GALK1: variants seen among roughly 807,000 people sequenced by gnomAD.
GALK1 encodes the protein galactokinase.
Under a neutral mutation model 38.6 loss-of-function variants are expected in GALK1, and 30 were observed. That is an observed-to-expected ratio of 0.78 (90% CI 0.58 to 1.05). GALK1 has a LOEUF of 1.05. Ranked by LOEUF, GALK1 falls within the 50% of genes least tolerant of loss-of-function variation. The pLI, the probability that GALK1 is intolerant of heterozygous loss-of-function variation, is 0.00. For missense variants in GALK1, 512 were observed against 540.5 expected, an observed-to-expected ratio of 0.95 and a Z score of 0.52; for synonymous variants, 240 against 233.6, an observed-to-expected ratio of 1.03 and a Z score of -0.25.
chr17:75,758,215 T>G lies in GALK1; in HGVS notation c.1102A>C (p.Ile368Leu), dbSNP rs771288908. The G allele has an allele frequency of 2.5e-6, 4 of 1,606,748 alleles. No homozygotes were observed. The highest frequency in any genetic ancestry group is 3.4e-6 in the Non-Finnish European group (4 of 1,177,492). ...ASAAPHAMRHIQEHYGGTATF... is the reference protein window; with the variant it reads ...ASAAPHAMRHLQEHYGGTATF... Reference sequence around the variant, plus strand: ...AGGCCCTGGTGCCCGCCCACCTGGATGTGCCGCATGGCGTGGGGAGCAGCG... The same window carrying G: ...AGGCCCTGGTGCCCGCCCACCTGGAGGTGCCGCATGGCGTGGGGAGCAGCG... The change falls in exon 7 of 8, where the codon ATC (isoleucine) becomes CTC (leucine). Residue 368 changes from isoleucine (I) to leucine (L), a missense_variant. Transcript: ENST00000588479.
At position 75,763,163 on chromosome 17, in the gene GALK1, T is replaced by G. The variant is rs1354324820; in HGVS notation, c.476-14A>C. ...TTGTGCCCGAGTCTGCAGTACAGGG[T>G]GAGGTGGGGAGGCTAGGGCTGGTGG... On this transcript the variant is annotated splice_polypyrimidine_tract_variant and intron_variant, in intron 3 of 7. Transcript: ENST00000588479. 7 of 1,611,104 alleles carry G rather than the reference T, an allele frequency of 4.3e-6. No individual in the cohort carries two copies. Among genetic ancestry groups the G allele is most frequent in the Non-Finnish European group, 3.4e-6 (4 of 1,179,608 alleles).
chr17:75,758,356 T>C lies in GALK1; in HGVS notation c.961A>G (p.Ser321Gly). 2.5e-6 allele frequency: 4 copies of C among 1,593,714 alleles called. No homozygotes were observed. The highest frequency in any genetic ancestry group is 3.4e-6 in the Non-Finnish European group (4 of 1,170,892). ...ACCAGCTGGTCCAGCTCTGGGCAGC[T>C]CACCTCATAGTCGTCTCTGCAGAGA... ...HRSLRDDYEV[S>G]CPELDQLVEA... The change falls in exon 7 of 8, where the codon AGC (serine) becomes GGC (glycine). Residue 321 changes from serine to glycine, a missense_variant. Transcript: ENST00000588479.
At chr17:75,757,624 A>G (rs1265457267), downstream of GALK1, 4 of 1,598,830 alleles carry the variant, frequency 2.5e-6, no homozygotes, top group Non-Finnish European at 3.4e-6. Flanking sequence ...GAGCCTCCTC[A>G]GCTACTCCAT....
downstream of GALK1, chr17:75,757,589 AG>A: frequency 6.2e-7 from 1 of 1,612,516 alleles, no homozygotes; most frequent in South Asian, 1.1e-5. Flanking sequence ...ACGTCCCACT[AG>A]GCGTCCTCCC....
intron 5 of GALK1, among the ~76,000 whole-genome samples, chr17:75,760,707 C>T (rs1599334111): frequency 6.6e-6 from 1 of 151,890 alleles, no homozygotes; most frequent in Non-Finnish European, 1.5e-5. Flanking sequence ...ACCCTGAAGA[C>T]GGAGGTTGCA....
At chr17:75,761,710 G>A (rs1167149728) in intron 5 of GALK1, among the ~76,000 whole-genome samples, 8 of 140,302 alleles carry the variant, frequency 5.7e-5, no homozygotes, top group Non-Finnish European at 1.1e-4. Flanking sequence ...CTGAGATTAT[G>A]TTTAGTTTAA....
downstream of GALK1, chr17:75,757,510 C>T (rs141814228): frequency 1.2e-5 from 19 of 1,613,336 alleles, no homozygotes; most frequent in East Asian, 4.5e-5. Context: ...TGACCACCAG[C>T]GGAACCCTTA....
chr17:75,755,588 A>T (rs1486248524), downstream of GALK1: 2 of 1,368,858 alleles, frequency 1.5e-6, no homozygotes, highest in African/African-American at 2.9e-5. Context: ...TTGTCCAGCC[A>T]GCGGTCAGTG....
In GALK1 at chr17:75,765,162, C is replaced by G. The variant is rs1242690219; in HGVS notation, c.-26G>C. On this transcript the variant is annotated 5_prime_UTR_variant, in exon 1 of 8. Coordinates refer to ENST00000588479, the MANE Select transcript of GALK1 (RefSeq NM_000154.2). ...GACGCGCGCCTGCAGCTCTGCACAG[C>G]TGCTCCGGCACAGCCCCGTCGGCGC... 1 of 1,497,836 alleles carries G rather than the reference C, an allele frequency of 6.7e-7. No homozygotes were observed. The highest frequency in any genetic ancestry group is 8.9e-7 in the Non-Finnish European group (1 of 1,127,412). The allele number at this position is 1,497,836 out of a possible 1,614,324, so 92.8% of individuals were successfully genotyped here.
downstream of GALK1, chr17:75,757,476 C>T: frequency 6.2e-7 from 1 of 1,612,914 alleles, no homozygotes; most frequent in Non-Finnish European, 8.5e-7. Context: ...CGGCATGTGA[C>T]CCAGGAGTTT....
In GALK1 at chr17:75,758,188, C is replaced by T. The variant is rs778420863; in HGVS notation, c.1107+22G>A. 1.9e-6 allele frequency: 3 copies of T among 1,609,160 alleles called. No individual in the cohort carries two copies. The South Asian group carries it at 3.3e-5, about 18-fold the overall frequency. The stretch of plus-strand genomic sequence containing the variant: ...CCGGGAAGCTGCCGCTCCTGCCCGC[C>T]CAGGCCCTGGTGCCCGCCCACCTGG... On this transcript the variant is annotated intron_variant, in intron 7 of 7. Transcript: ENST00000588479.
At chr17:75,761,478 G>A (rs2061586913) in intron 5 of GALK1, among the ~76,000 whole-genome samples, 3 of 150,910 alleles carry the variant, frequency 2.0e-5, no homozygotes, top group African/African-American at 4.9e-5. Flanking sequence ...TTGGCTGGGC[G>A]TGGTGGTGGG....
downstream of GALK1, chr17:75,753,873 G>C (rs1294197691): frequency 2.2e-6 from 3 of 1,344,200 alleles, no homozygotes; most frequent in Non-Finnish European, 1.9e-6. Context: ...AGCAGCGGGC[G>C]CTCCTCCGAC....
Position 75,765,156 on chromosome 17 carries a change from G to A in GALK1, c.-20C>T. 2 of 1,516,750 alleles carry A rather than the reference G, an allele frequency of 1.3e-6. No homozygotes were observed. Among genetic ancestry groups the A allele is most frequent in the South Asian group, 1.2e-5 (1 of 80,992 alleles). The allele number at this position is 1,516,750 out of a possible 1,614,324, so 94.0% of individuals were successfully genotyped here. A position where few individuals can be genotyped will look rare whatever the true frequency, so the allele number is the denominator to read the frequency against. On this transcript the variant is annotated 5_prime_UTR_variant, in exon 1 of 8. Coordinates refer to ENST00000588479, the MANE Select transcript of GALK1 (RefSeq NM_000154.2). ...AGCCATGACGCGCGCCTGCAGCTCT[G>A]CACAGCTGCTCCGGCACAGCCCCGT... is the stretch of plus-strand genomic sequence containing the variant.
chr17:75,760,596 T>C (rs373095559), intron 5 of GALK1, among the ~76,000 whole-genome samples: 1 of 148,638 alleles, frequency 6.7e-6, no homozygotes, highest in East Asian at 2.0e-4. Flanking sequence ...TGAAACCCAG[T>C]GTCCACTAAA....
At chr17:75,751,493 G>A, downstream of GALK1, 1 of 316,300 alleles carries the variant, frequency 3.2e-6, no homozygotes, top group Non-Finnish European at 6.1e-6. Flanking sequence ...CACTTTAAAA[G>A]ATTATTTTGT....
At chr17:75,763,501 C>T in intron 2 of GALK1, 62 bp from the exon 3 acceptor site, 1 of 1,537,112 alleles carries the variant, frequency 6.5e-7, no homozygotes, top group South Asian at 1.2e-5. Context: ...ACAGGAAGGG[C>T]AGGTGTCCTG....
chr17:75,764,261 GC>G (rs1568395763), intron 1 of GALK1, 175 bp from the exon 2 acceptor site: 1 of 778,040 alleles, frequency 1.3e-6, no homozygotes, highest in Admixed American at 1.7e-5. Flanking sequence ...CTTGAGCCCT[GC>G]CCCCTTAGGT....
chr17:75,765,164 G>C lies in GALK1; in HGVS notation c.-28C>G, dbSNP rs565602495. On this transcript the variant is annotated 5_prime_UTR_variant, in exon 1 of 8. Transcript: ENST00000588479. ...CGCGCGCCTGCAGCTCTGCACAGCTGCTCCGGCACAGCCCCGTCGGCGCGG... is the reference window on the plus strand; with the variant it reads ...CGCGCGCCTGCAGCTCTGCACAGCTCCTCCGGCACAGCCCCGTCGGCGCGG... 23 of 1,476,436 alleles carry C rather than the reference G, an allele frequency of 1.6e-5. No individual in the cohort carries two copies. Among genetic ancestry groups the C allele is most frequent in the Admixed American group, 4.7e-5 (2 of 42,348 alleles). The allele number at this position is 1,476,436 out of a possible 1,614,324, so 91.5% of individuals were successfully genotyped here. A position where few individuals can be genotyped will look rare whatever the true frequency, so the allele number is the denominator to read the frequency against.
Sources: gnomAD v4.1 joint callset for allele counts (sites outside exome capture counted in the v4.1 genomes callset) on GRCh38, gnomAD v4.1.1 for gene constraint, MANE v1.5 for transcripts, NCBI Gene and HGNC (gene_info 2026-07-23, HGNC 2026-07-21) for gene names.